The following PYGB variants were observed in gnomAD, a reference collection of about 807,000 sequenced individuals.
The protein encoded by PYGB is glycogen phosphorylase, brain form.
In PYGB, 82 loss-of-function variants were observed where a neutral mutation model predicts 94.3. The ratio of observed to expected loss-of-function variants is 0.87; its 90% CI spans 0.73 to 1.04. The LOEUF (loss-of-function observed/expected upper bound fraction) is 1.04, where lower values mean the gene tolerates loss of function less well. PYGB is among the 50% of genes least tolerant of loss of function. PYGB has a pLI of 0.00. For missense variants in PYGB, 1,132 were observed against 1,158.2 expected (o/e 0.98, Z 0.33); for synonymous variants, 488 against 479.1 (o/e 1.02, Z -0.24).
At chr20:25,279,976 G>A (rs887304819) in intron 9 of PYGB, among the ~76,000 whole-genome samples, 12 of 152,246 alleles carry the variant, frequency 7.9e-5, no homozygotes, top group African/African-American at 2.7e-4. Context: ...TGACGGCAGA[G>A]TGTGAAGGTG....
chr20:25,278,219 G>C, intron 7 of PYGB, 100 bp from the exon 8 acceptor site: 1 of 1,326,336 alleles, frequency 7.5e-7, no homozygotes, highest in Admixed American at 2.6e-5. Flanking sequence ...GGCTCCTCTC[G>C]GCCTTCTGCC....
chr20:25,295,164 A>G, intron 18 of PYGB: 2 of 917,296 alleles, frequency 2.2e-6, no homozygotes, highest in South Asian at 2.7e-5. Flanking sequence ...AGGAACTGCA[A>G]GTCAGTATTT....
Position 25,280,431 on chromosome 20 carries a change from G to A in PYGB, c.1239+19G>A. ...CCTGGACGTGAGTGTGGGCCCAGCTGGCCGTGTAGGGTGGCGGCTACACCC... is the reference window on the plus strand; with the variant it reads ...CCTGGACGTGAGTGTGGGCCCAGCTAGCCGTGTAGGGTGGCGGCTACACCC... On this transcript the variant is annotated intron_variant, in intron 10 of 19. Transcript: ENST00000216962. The A allele has an allele frequency of 6.2e-7, 1 of 1,613,208 alleles. No individual in the cohort carries two copies. The highest frequency in any genetic ancestry group is 8.5e-7 in the Non-Finnish European group (1 of 1,179,508).
chr20:25,283,627 C>A (rs1440980034), intron 13 of PYGB, among the ~76,000 whole-genome samples: 2 of 152,254 alleles, frequency 1.3e-5, no homozygotes, highest in African/African-American at 2.4e-5. Context: ...CCCTGGAGAG[C>A]TGTGCAGGTG....
At chr20:25,289,793 C>G (rs2088449260) in intron 15 of PYGB, 1 of 532,726 alleles carries the variant, frequency 1.9e-6, no homozygotes. Context: ...TTACATACGT[C>G]AGCATTCCTT....
At chr20:25,260,978 G>T (rs374538632) in intron 2 of PYGB, among the ~76,000 whole-genome samples, 1 of 152,174 alleles carries the variant, frequency 6.6e-6, no homozygotes, top group African/African-American at 2.4e-5. Flanking sequence ...CAGAGCAGCC[G>T]GGAAGCTTGA....
chr20:25,264,230 T>A (rs1221830517), intron 2 of PYGB, among the ~76,000 whole-genome samples: 1 of 152,198 alleles, frequency 6.6e-6, no homozygotes, highest in Non-Finnish European at 1.5e-5. Flanking sequence ...TCAACAGCAC[T>A]TCATGCCAAA....
intron 18 of PYGB, 35 bp downstream of exon 18, chr20:25,294,327 G>A (rs1568701009): frequency 7.1e-7 from 1 of 1,406,828 alleles, no homozygotes. Context: ...TGGCTGGGAG[G>A]GAGGGAGGGA....
chr20:25,263,077 G>A (rs1358545399), intron 2 of PYGB, among the ~76,000 whole-genome samples: 2 of 152,046 alleles, frequency 1.3e-5, no homozygotes, highest in East Asian at 3.9e-4. Context: ...AGTTAACAAG[G>A]ATACCCAGGA....
At chr20:25,271,592 A>G in intron 4 of PYGB, 106 bp downstream of exon 4, 4 of 1,248,818 alleles carry the variant, frequency 3.2e-6, no homozygotes, top group Middle Eastern at 1.9e-4. Flanking sequence ...CCGCCAGGGG[A>G]CTGCAGGCCG....
chr20:25,261,431 A>G (rs1217112933), intron 2 of PYGB, among the ~76,000 whole-genome samples: 1 of 152,232 alleles, frequency 6.6e-6, no homozygotes, highest in African/African-American at 2.4e-5. Flanking sequence ...TGACTGTTAG[A>G]AGGAAAACTA....
chr20:25,264,350 C>T (rs1464300223), intron 2 of PYGB, among the ~76,000 whole-genome samples: 1 of 152,160 alleles, frequency 6.6e-6, no homozygotes, highest in Admixed American at 6.5e-5. Flanking sequence ...GCAAGCATCC[C>T]CTTTGAAAAC....
At position 25,279,046 on chromosome 20, in the gene PYGB, G is replaced by A. The variant is rs2088341206; in HGVS notation, c.1000-11G>A. ...GAAATGACTGAATGGCACCCCTTGT[G>A]CGACCTTCAGGTGGCCATCCAGCTG... is the stretch of plus-strand genomic sequence containing the variant. On this transcript the variant is annotated splice_polypyrimidine_tract_variant and intron_variant, in intron 8 of 19. Coordinates refer to ENST00000216962, the MANE Select transcript of PYGB (RefSeq NM_002862.4). 2 of 1,606,530 alleles carry A rather than the reference G, an allele frequency of 1.2e-6. No individual in the cohort carries two copies. The highest frequency in any genetic ancestry group is 3.3e-4 in the Middle Eastern group (2 of 6,034).
chr20:25,259,924 G>T (rs1309835187), intron 2 of PYGB, among the ~76,000 whole-genome samples: 3 of 152,200 alleles, frequency 2.0e-5, no homozygotes, highest in African/African-American at 4.8e-5. Context: ...AGTCTCTAGA[G>T]TATAACCTTT....
chr20:25,288,380 C>T (rs1323910084), intron 14 of PYGB, 45 bp from the exon 15 acceptor site: 4 of 1,611,762 alleles, frequency 2.5e-6, no homozygotes, highest in Admixed American at 1.7e-5. Flanking sequence ...AGGGGCTCGT[C>T]CGGCTCGCGG....
chr20:25,269,042 G>C, intron 2 of PYGB, 87 bp from the exon 3 acceptor site: 1 of 1,167,636 alleles, frequency 8.6e-7, no homozygotes. Context: ...TTTAGCATAA[G>C]CTCACAAGAC....
At chr20:25,275,934 C>T (rs1180394317) in intron 5 of PYGB, among the ~76,000 whole-genome samples, 2 of 152,240 alleles carry the variant, frequency 1.3e-5, no homozygotes, top group Non-Finnish European at 2.9e-5. Context: ...GGCAGTGCCA[C>T]AGGCACGTGT....
intron 2 of PYGB, among the ~76,000 whole-genome samples, chr20:25,268,518 A>G (rs2088239300): frequency 6.6e-6 from 1 of 152,122 alleles, no homozygotes; most frequent in African/African-American, 2.4e-5. Flanking sequence ...AAATATCAAT[A>G]TATGTAATTC....
chr20:25,292,951 C>T (rs1271427970), intron 17 of PYGB, among the ~76,000 whole-genome samples: 1 of 152,112 alleles, frequency 6.6e-6, no homozygotes, highest in East Asian at 1.9e-4. Context: ...TGGGCACAGG[C>T]AGCCCCACAG....
Sources: allele counts gnomAD v4.1 joint callset (sites outside exome capture counted in the v4.1 genomes callset), GRCh38; gene constraint gnomAD v4.1.1; transcripts MANE v1.5; gene names NCBI Gene and HGNC (gene_info 2026-07-23, HGNC 2026-07-21).